EYA1: variants seen among roughly 807,000 people sequenced by gnomAD.
EYA1 encodes the protein EYA transcriptional coactivator and phosphatase 1, also known as protein phosphatase EYA1.
EYA1 carries 16 observed loss-of-function variants against 82.0 expected under a neutral mutation model. The ratio of observed to expected loss-of-function variants is 0.20; its 90% confidence interval spans 0.13 to 0.30. EYA1 has a LOEUF of 0.30. EYA1 is among the 10% of genes least tolerant of loss of function. The pLI is 1.00. For missense variants in EYA1, 633 were observed against 730.7 expected (o/e 0.87, Z 1.54); for synonymous variants, 261 against 264.4 (o/e 0.99, Z 0.12).
At chr8:71,245,431 A>G (rs1229671473) in intron 11 of EYA1, among the ~76,000 whole-genome samples, 6 of 151,590 alleles carry the variant, frequency 4.0e-5, no homozygotes, top group African/African-American at 1.5e-4. Context: ...GAGTTTCACC[A>G]TGTTGGCCAG....
At chr8:71,412,094 T>C (rs1361350164) in intron 2 of EYA1, among the ~76,000 whole-genome samples, 2 of 146,976 alleles carry the variant, frequency 1.4e-5, no homozygotes, top group East Asian at 4.0e-4. Flanking sequence ...ATGGATGAAA[T>C]TGGAAACCAT....
intron 2 of EYA1, among the ~76,000 whole-genome samples, chr8:71,397,123 T>G (rs1363017872): frequency 1.3e-5 from 2 of 152,206 alleles, no homozygotes; most frequent in East Asian, 3.8e-4. Flanking sequence ...CTGCTTTTTT[T>G]TGTTTTCCAT....
In EYA1 at chr8:71,317,613, G is replaced by A; in HGVS notation, c.495C>T (p.Ser165=). ...SQSPGQTGFL[S]YGTSFSTPQP... ...GAGGGGTACTGAAGCTTGTGCCATA[G>A]CTGAGAAATCCTGTCTGTCCAGGTG... Residue 165 remains serine, a synonymous_variant, in exon 7 of 18, where the codon AGC becomes AGT. Coordinates refer to ENST00000340726, the MANE Select transcript of EYA1 (RefSeq NM_000503.6). The A allele has an allele frequency of 6.2e-7, 1 of 1,614,130 alleles. No individual in the cohort carries two copies. Among genetic ancestry groups the A allele is most frequent in the Non-Finnish European group, 8.5e-7 (1 of 1,179,978 alleles).
chr8:71,426,493 G>A (rs544699737), intron 2 of EYA1, among the ~76,000 whole-genome samples: 2 of 152,354 alleles, frequency 1.3e-5, no homozygotes, highest in South Asian at 4.1e-4. Flanking sequence ...AACTACCAAC[G>A]CAGGGAAGAG....
intron 2 of EYA1, among the ~76,000 whole-genome samples, chr8:71,496,720 C>A (rs1256943951): frequency 6.6e-6 from 1 of 151,984 alleles, no homozygotes; most frequent in African/African-American, 2.4e-5. Context: ...TCAAAGTGGC[C>A]CAGCTTTTAC....
At chr8:71,369,026 A>C (rs1827925853) in intron 2 of EYA1, among the ~76,000 whole-genome samples, 1 of 94,544 alleles carries the variant, frequency 1.1e-5, no homozygotes, top group Non-Finnish European at 2.3e-5. Context: ...GTCTCTACTA[A>C]AAATACAAAA....
At chr8:71,399,397 G>T (rs903228846) in intron 2 of EYA1, among the ~76,000 whole-genome samples, 2 of 152,124 alleles carry the variant, frequency 1.3e-5, no homozygotes, top group African/African-American at 2.4e-5. Flanking sequence ...TTCCTACTCG[G>T]CTATCTTGGA....
At chr8:71,504,723 T>C (rs953393873) in intron 2 of EYA1, among the ~76,000 whole-genome samples, 1 of 151,638 alleles carries the variant, frequency 6.6e-6, no homozygotes, top group East Asian at 1.9e-4. Context: ...CATCTCCATT[T>C]AAAAAAAAAT....
At chr8:71,218,991 CCTCT>C (rs1324442294) in intron 12 of EYA1, among the ~76,000 whole-genome samples, 1 of 152,008 alleles carries the variant, frequency 6.6e-6, no homozygotes, top group African/African-American at 2.4e-5. Context: ...TCCCTGGTTC[CCTCT>C]AAGGGTGGAA....
At chr8:71,506,196 G>T (rs1446488012) in intron 2 of EYA1, among the ~76,000 whole-genome samples, 3 of 152,140 alleles carry the variant, frequency 2.0e-5, no homozygotes, top group Non-Finnish European at 4.4e-5. Flanking sequence ...CAAAGAAGAG[G>T]CACCTTCATT....
chr8:71,441,258 C>T (rs553393504), intron 2 of EYA1, among the ~76,000 whole-genome samples: 142 of 152,182 alleles, frequency 9.3e-4, no homozygotes, highest in African/African-American at 3.4e-3. Flanking sequence ...TAAAACCACC[C>T]CAGTTGACCA....
At chr8:71,368,259 G>C (rs1338141460) in intron 2 of EYA1, among the ~76,000 whole-genome samples, 1 of 152,032 alleles carries the variant, frequency 6.6e-6, no homozygotes, top group African/African-American at 2.4e-5. Context: ...AATACAAGGA[G>C]AAACAAATAG....
chr8:71,214,263 G>A (rs1359574030), intron 16 of EYA1, among the ~76,000 whole-genome samples: 1 of 151,974 alleles, frequency 6.6e-6, no homozygotes, highest in Non-Finnish European at 1.5e-5. Context: ...CTAGACCCAA[G>A]TATACCTTTT....
At chr8:71,211,671 T>C (rs975419112) in intron 16 of EYA1, among the ~76,000 whole-genome samples, 3 of 152,356 alleles carry the variant, frequency 2.0e-5, no homozygotes, top group African/African-American at 7.2e-5. Context: ...AAGTTTTTTC[T>C]TCATATATCA....
At chr8:71,512,080 T>C (rs892646859) in intron 2 of EYA1, among the ~76,000 whole-genome samples, 2 of 152,330 alleles carry the variant, frequency 1.3e-5, no homozygotes, top group South Asian at 2.1e-4. Context: ...CATGATCAAA[T>C]GATATCCCAA....
chr8:71,284,961 T>G (rs1295276740), intron 9 of EYA1, among the ~76,000 whole-genome samples: 1 of 152,204 alleles, frequency 6.6e-6, no homozygotes, highest in Non-Finnish European at 1.5e-5. Context: ...AATGGAAATT[T>G]TATTAGGTTT....
chr8:71,240,050 AGAT>A (rs1199784938), intron 12 of EYA1, among the ~76,000 whole-genome samples: 1 of 152,238 alleles, frequency 6.6e-6, no homozygotes, highest in Non-Finnish European at 1.5e-5. Context: ...AATAATTTAT[AGAT>A]GATAACCTAA....
intron 2 of EYA1, among the ~76,000 whole-genome samples, chr8:71,494,316 G>A (rs73293131): frequency 0.073 from 11,126 of 152,036 alleles, 1,001 homozygotes; most frequent in East Asian, 0.45. Context: ...ACACTGTAAT[G>A]TTAATTCACT....
intron 11 of EYA1, among the ~76,000 whole-genome samples, chr8:71,264,311 T>G (rs1815508041): frequency 6.6e-6 from 1 of 152,214 alleles, no homozygotes; most frequent in South Asian, 2.1e-4. Context: ...CGAACTGAGC[T>G]GTTCTGATGA....
Sources: gnomAD v4.1 joint callset for allele counts (sites outside exome capture counted in the v4.1 genomes callset) on GRCh38, gnomAD v4.1.1 for gene constraint, MANE v1.5 for transcripts, NCBI Gene and HGNC (gene_info 2026-07-23, HGNC 2026-07-21) for gene names.